Variants in DNM3 observed in about 807,000 individuals in gnomAD.
DNM3 encodes the protein dynamin-3.
DNM3 carries 47 observed loss-of-function variants against 101.6 expected under a neutral mutation model. The ratio of observed to expected loss-of-function variants is 0.46; its 90% CI spans 0.37 to 0.59. The LOEUF is 0.59. Ranked by LOEUF, DNM3 falls within the 20% of genes least tolerant of loss-of-function variation. DNM3 has a pLI of 0.00. For missense variants in DNM3, 849 were observed against 1,085.7 expected (o/e 0.78, Z 3.06); for synonymous variants, 385 against 387.9 (o/e 0.99, Z 0.09).
At chr1:171,881,842 C>A (rs1262648005) in intron 1 of DNM3, among the ~76,000 whole-genome samples, 1 of 152,114 alleles carries the variant, frequency 6.6e-6, no homozygotes, top group African/African-American at 2.4e-5. Flanking sequence ...CCTCTCTTAC[C>A]TCAGTTTACT....
intron 1 of DNM3, among the ~76,000 whole-genome samples, chr1:171,850,309 A>T (rs1273525533): frequency 1.3e-5 from 2 of 152,338 alleles, no homozygotes; most frequent in Admixed American, 6.5e-5. Flanking sequence ...CATCAGTTTT[A>T]GCTCTGAGCT....
intron 1 of DNM3, among the ~76,000 whole-genome samples, chr1:171,844,107 T>G (rs1009408529): frequency 3.3e-5 from 5 of 152,196 alleles, no homozygotes. Context: ...ATTGAATTAT[T>G]GAGGAATCTA....
chr1:172,111,607 G>A (rs1248804660), intron 13 of DNM3, among the ~76,000 whole-genome samples: 1 of 152,178 alleles, frequency 6.6e-6, no homozygotes, highest in Non-Finnish European at 1.5e-5. Flanking sequence ...TGACCTAAAA[G>A]CCCAGAAAGT....
chr1:172,330,740 A>G (rs1170443769), intron 17 of DNM3, among the ~76,000 whole-genome samples: 1 of 152,204 alleles, frequency 6.6e-6, no homozygotes, highest in African/African-American at 2.4e-5. Flanking sequence ...GTGAGAAAGA[A>G]AGAAAAGTAT....
intron 17 of DNM3, among the ~76,000 whole-genome samples, chr1:172,350,978 G>A (rs2067180440): frequency 6.6e-6 from 1 of 152,112 alleles, no homozygotes; most frequent in Non-Finnish European, 1.5e-5. Context: ...AAATTCATTT[G>A]CATCCACTGA....
At chr1:171,992,800 T>C (rs1311985293) in intron 4 of DNM3, among the ~76,000 whole-genome samples, 1 of 152,128 alleles carries the variant, frequency 6.6e-6, no homozygotes, top group African/African-American at 2.4e-5. Context: ...TCTATTTCTC[T>C]GCTACTATCT....
At chr1:172,209,701 G>T (rs1232102752) in intron 14 of DNM3, among the ~76,000 whole-genome samples, 2 of 151,988 alleles carry the variant, frequency 1.3e-5, no homozygotes, top group African/African-American at 2.4e-5. Context: ...TGGCTTGTAA[G>T]CACATATAAC....
chr1:172,288,224 T>G (rs546305126), intron 15 of DNM3, among the ~76,000 whole-genome samples: 1 of 152,194 alleles, frequency 6.6e-6, no homozygotes, highest in East Asian at 1.9e-4. Context: ...TATAATACAG[T>G]GACCTGTCCA....
intron 1 of DNM3, among the ~76,000 whole-genome samples, chr1:171,867,372 T>A (rs1176804733): frequency 1.3e-5 from 2 of 152,258 alleles, no homozygotes; most frequent in Non-Finnish European, 2.9e-5. Flanking sequence ...TATTTTAATA[T>A]GGCTGTTCGT....
intron 4 of DNM3, among the ~76,000 whole-genome samples, chr1:171,995,222 C>T (rs2045923133): frequency 6.7e-6 from 1 of 149,088 alleles, no homozygotes; most frequent in Admixed American, 6.8e-5. Context: ...TCTCCTGCCT[C>T]ATCCTCCCAA....
chr1:172,381,336 A>T (rs979443922), intron 18 of DNM3, among the ~76,000 whole-genome samples: 2 of 152,224 alleles, frequency 1.3e-5, no homozygotes, highest in East Asian at 3.9e-4. Flanking sequence ...AGGCGAAAGT[A>T]TCATGTAGTG....
At chr1:171,960,046 T>C (rs2043116442) in intron 2 of DNM3, among the ~76,000 whole-genome samples, 1 of 152,182 alleles carries the variant, frequency 6.6e-6, no homozygotes, top group Admixed American at 6.6e-5. Flanking sequence ...ATAGGATCTT[T>C]GCAAATGTAA....
Position 172,125,339 on chromosome 1 carries a change from G to A in DNM3, c.1546-5836G>A, listed in dbSNP as rs1387097397. On this transcript the variant is annotated intron_variant, in intron 13 of 20. Transcript: ENST00000627582. ...TGGCCACACTAGAAGTCTTCCACAT[G>A]TACTTTTGTCTTCCCATGATTTTAT... 3.9e-5 allele frequency among the ~76,000 whole-genome samples: 6 copies of A among 152,120 alleles called. No homozygotes were observed. In the East Asian group the frequency reaches 1.2e-3, roughly 29 times the overall value.
At chr1:172,307,532 C>T (rs2064887047) in intron 15 of DNM3, among the ~76,000 whole-genome samples, 1 of 152,074 alleles carries the variant, frequency 6.6e-6, no homozygotes, top group Non-Finnish European at 1.5e-5. Flanking sequence ...GAGTATATAC[C>T]CGAAGGATCA....
At chr1:172,068,781 T>C in intron 10 of DNM3, 38 bp from the exon 11 acceptor site, 1 of 1,498,678 alleles carries the variant, frequency 6.7e-7, no homozygotes, top group Non-Finnish European at 9.1e-7. Context: ...TAGTGTAACT[T>C]TTTGAGTATT....
intron 11 of DNM3, among the ~76,000 whole-genome samples, chr1:172,069,145 AG>A (rs2051951406): frequency 6.6e-6 from 1 of 152,242 alleles, no homozygotes; most frequent in Admixed American, 6.5e-5. Context: ...GAGATGCAAA[AG>A]CAGTAACAGG....
intron 14 of DNM3, among the ~76,000 whole-genome samples, chr1:172,227,794 G>C (rs1190596141): frequency 6.6e-6 from 1 of 151,972 alleles, no homozygotes; most frequent in African/African-American, 2.4e-5. Context: ...CCTCCAAAAG[G>C]CTGTGCCAGT....
intron 14 of DNM3, among the ~76,000 whole-genome samples, chr1:172,237,601 T>G (rs745500984): frequency 3.3e-5 from 5 of 152,192 alleles, no homozygotes; most frequent in Non-Finnish European, 1.5e-5. Flanking sequence ...TACAAATATC[T>G]TTTAAAGGAT....
At chr1:171,937,139 AC>A (rs2041488295) in intron 2 of DNM3, among the ~76,000 whole-genome samples, 1 of 152,238 alleles carries the variant, frequency 6.6e-6, no homozygotes, top group South Asian at 2.1e-4. Flanking sequence ...CATAGCAAAA[AC>A]ATTCAAATCT....
Sources: gnomAD v4.1 joint callset for allele counts (sites outside exome capture counted in the v4.1 genomes callset) on GRCh38, gnomAD v4.1.1 for gene constraint, MANE v1.5 for transcripts, NCBI Gene and HGNC (gene_info 2026-07-23, HGNC 2026-07-21) for gene names.